The following MOB3B variants were observed in gnomAD, a reference collection of about 807,000 sequenced individuals.
MOB3B encodes MOB kinase activator 3B.
Under a neutral mutation model 18.7 loss-of-function variants are expected in MOB3B, and 7 were observed. The ratio of observed to expected loss-of-function variants is 0.37; its 90% CI spans 0.21 to 0.70. The LOEUF (loss-of-function observed/expected upper bound fraction) is 0.70. MOB3B is among the 30% of genes least tolerant of loss of function. The pLI is 0.52. For missense variants in MOB3B, 253 were observed against 281.3 expected, an observed-to-expected ratio of 0.90 and a Z score of 0.72; for synonymous variants, 111 against 99.9, an observed-to-expected ratio of 1.11 and a Z score of -0.66.
chr9:27,351,426 G>A (rs1173161577), intron 3 of MOB3B, among the ~76,000 whole-genome samples: 2 of 151,872 alleles, frequency 1.3e-5, no homozygotes, highest in Non-Finnish European at 2.9e-5. Context: ...TACATGCCTT[G>A]CCCCATGTGG....
chr9:27,344,061 A>C (rs1048549516), intron 3 of MOB3B, among the ~76,000 whole-genome samples: 7 of 152,168 alleles, frequency 4.6e-5, no homozygotes, highest in Non-Finnish European at 1.0e-4. Flanking sequence ...TAAGACACTA[A>C]ATTTCCTTAT....
chr9:27,371,483 G>C (rs1451042339), intron 2 of MOB3B, among the ~76,000 whole-genome samples: 1 of 152,196 alleles, frequency 6.6e-6, no homozygotes, highest in Non-Finnish European at 1.5e-5. Context: ...TTGCATGTAA[G>C]ATCCCGCGAA....
chr9:27,332,877 C>A (rs1820808345), intron 3 of MOB3B, among the ~76,000 whole-genome samples: 1 of 152,168 alleles, frequency 6.6e-6, no homozygotes, highest in Non-Finnish European at 1.5e-5. Flanking sequence ...TCTACTACAC[C>A]ATGTGATTGT....
intron 1 of MOB3B, among the ~76,000 whole-genome samples, chr9:27,483,413 T>C (rs1312863905): frequency 3.3e-5 from 5 of 152,218 alleles, no homozygotes; most frequent in Non-Finnish European, 5.9e-5. Context: ...ATTACAGGCG[T>C]GAGCCACCGC....
intron 2 of MOB3B, among the ~76,000 whole-genome samples, chr9:27,399,027 A>G (rs1010776033): frequency 2.0e-5 from 3 of 152,030 alleles, no homozygotes; most frequent in Non-Finnish European, 4.4e-5. Flanking sequence ...ACTCTTTCAA[A>G]TATTTAAAAT....
At chr9:27,332,622 G>A (rs940460473) in intron 3 of MOB3B, among the ~76,000 whole-genome samples, 2 of 152,168 alleles carry the variant, frequency 1.3e-5, no homozygotes, top group Non-Finnish European at 2.9e-5. Flanking sequence ...ATTTGCTCAA[G>A]GTAAATGGGT....
chr9:27,430,731 A>C (rs1822405379), intron 2 of MOB3B, among the ~76,000 whole-genome samples: 1 of 152,124 alleles, frequency 6.6e-6, no homozygotes, highest in Non-Finnish European at 1.5e-5. Flanking sequence ...GAAACACAAA[A>C]GCTCATTTGG....
chr9:27,399,503 G>T lies in MOB3B; in HGVS notation c.419-40267C>A, dbSNP rs530524853. Among the ~76,000 whole-genome samples the T allele has an allele frequency of 2.6e-5, 4 of 152,304 alleles. No homozygotes were observed. The South Asian group carries it at 8.3e-4, about 32-fold the overall frequency. On this transcript the variant is annotated intron_variant, in intron 2 of 3. Transcript: ENST00000262244. ...GGGAACAGAAAGCACTGGGGAGAAG[G>T]TTAGAGCTCCAGGAACTTGGCTGAG...
chr9:27,404,070 G>A (rs966403109), intron 2 of MOB3B, among the ~76,000 whole-genome samples: 4 of 151,690 alleles, frequency 2.6e-5, no homozygotes, highest in African/African-American at 4.8e-5. Flanking sequence ...AACCCTCCTC[G>A]CTTTATCTCC....
At chr9:27,398,329 G>T (rs1400435162) in intron 2 of MOB3B, among the ~76,000 whole-genome samples, 1 of 152,176 alleles carries the variant, frequency 6.6e-6, no homozygotes, top group African/African-American at 2.4e-5. Flanking sequence ...GTAGCTCAGA[G>T]CAAGAACTAA....
chr9:27,435,607 A>G (rs573816391), intron 2 of MOB3B, among the ~76,000 whole-genome samples: 28 of 151,970 alleles, frequency 1.8e-4, no homozygotes, highest in Non-Finnish European at 2.9e-4. Context: ...TTGTTTATTT[A>G]TTTATTTTTG....
intron 1 of MOB3B, among the ~76,000 whole-genome samples, chr9:27,490,587 T>G (rs562716869): frequency 6.6e-6 from 1 of 152,108 alleles, no homozygotes; most frequent in South Asian, 2.1e-4. Context: ...ACATGTAGTG[T>G]GAAAGCACCT....
intron 2 of MOB3B, among the ~76,000 whole-genome samples, chr9:27,413,962 G>A (rs1822110973): frequency 6.6e-6 from 1 of 152,216 alleles, no homozygotes; most frequent in South Asian, 2.1e-4. Flanking sequence ...CAGAAGGCGA[G>A]TGCTGGAATC....
rs1491245265 is a variant in MOB3B at position 27,420,547 on chromosome 9, CCA to C, written c.418+34584_418+34585del. On this transcript the variant is annotated intron_variant, in intron 2 of 3. Transcript: ENST00000262244. Reference sequence around the variant, plus strand: ...CATCTATATATTCCATCTGTATATTCCATATATATATATATATATATATATAT... The same window carrying C: ...CATCTATATATTCCATCTGTATATTCTATATATATATATATATATATATAT... Among the ~76,000 whole-genome samples the C allele has an allele frequency of 8.7e-4, 39 of 44,808 alleles. 1 individual carries two copies. Among genetic ancestry groups the C allele is most frequent in the Non-Finnish European group, 1.4e-3 (35 of 25,446 alleles). 29.4% of individuals were successfully genotyped at this position (44,808 alleles called of 152,430 possible). A position where few individuals can be genotyped will look rare whatever the true frequency, so the allele number is the denominator to read the frequency against.
intron 2 of MOB3B, among the ~76,000 whole-genome samples, chr9:27,431,025 A>AGGTT (rs1822409591): frequency 6.6e-6 from 1 of 152,120 alleles, no homozygotes; most frequent in South Asian, 2.1e-4. Flanking sequence ...TTTTTAAAAC[A>AGGTT]GGTTCCTCCA....
chr9:27,423,128 A>C (rs776220667), intron 2 of MOB3B, among the ~76,000 whole-genome samples: 1 of 152,162 alleles, frequency 6.6e-6, no homozygotes, highest in Admixed American at 6.5e-5. Flanking sequence ...TTTAGTGCCT[A>C]TTATGTGTTA....
chr9:27,427,324 C>T (rs528642556), intron 2 of MOB3B, among the ~76,000 whole-genome samples: 57 of 152,196 alleles, frequency 3.7e-4, no homozygotes, highest in Non-Finnish European at 4.4e-4. Flanking sequence ...CTGGTTACCT[C>T]CAAGGGAAAA....
intron 2 of MOB3B, among the ~76,000 whole-genome samples, chr9:27,417,687 C>T (rs1017972260): frequency 6.6e-6 from 1 of 152,142 alleles, no homozygotes; most frequent in African/African-American, 2.4e-5. Context: ...AAAAAACCAC[C>T]GTTTATTGAG....
chr9:27,412,473 G>T lies in MOB3B; in HGVS notation c.418+42660C>A, dbSNP rs184669435. Among the ~76,000 whole-genome samples, 4 of 152,260 alleles carry T rather than the reference G, an allele frequency of 2.6e-5. No individual in the cohort carries two copies. In the East Asian group the frequency reaches 7.7e-4, roughly 29 times the overall value. On this transcript the variant is annotated intron_variant, in intron 2 of 3. Coordinates refer to ENST00000262244, the MANE Select transcript of MOB3B (RefSeq NM_024761.5). ...CTTTATCTATACTTCAGTGCTATGA[G>T]GAAATGCTCAGTACCAGGAGTCAAT...
Sources: gnomAD v4.1 joint callset for allele counts (sites outside exome capture counted in the v4.1 genomes callset) on GRCh38, gnomAD v4.1.1 for gene constraint, MANE v1.5 for transcripts, NCBI Gene and HGNC (gene_info 2026-07-23, HGNC 2026-07-21) for gene names.